SMARCC1: variants seen among roughly 807,000 people sequenced by gnomAD.
SMARCC1 encodes the protein SWI/SNF related BAF chromatin remodeling complex subunit C1.
In SMARCC1, 43 loss-of-function variants were observed where a neutral mutation model predicts 147.4. The ratio of observed to expected loss-of-function variants is 0.29; its 90% CI spans 0.23 to 0.38. The LOEUF is 0.38. Ranked by LOEUF, SMARCC1 falls within the 10% of genes least tolerant of loss-of-function variation. The pLI, the probability that SMARCC1 is intolerant of heterozygous loss-of-function variation, is 1.00. For synonymous variants in SMARCC1, 495 were observed against 484.4 expected, an observed-to-expected ratio of 1.02 and a Z score of -0.29; for missense variants, 1,119 against 1,381.1, an observed-to-expected ratio of 0.81 and a Z score of 3.01.
chr3:47,633,961 A>G (rs982309655), intron 24 of SMARCC1, among the ~76,000 whole-genome samples: 6 of 151,992 alleles, frequency 3.9e-5, no homozygotes, highest in Non-Finnish European at 8.8e-5. Context: ...ACAGACTAAA[A>G]AAGATGTTTG....
intron 17 of SMARCC1, among the ~76,000 whole-genome samples, chr3:47,676,363 T>C (rs1050348176): frequency 6.6e-6 from 1 of 152,164 alleles, no homozygotes; most frequent in Non-Finnish European, 1.5e-5. Flanking sequence ...GAAGGATAAT[T>C]TACTTTTATG....
At position 47,630,541 on chromosome 3, in the gene SMARCC1, T is replaced by C. The variant is rs537508447; in HGVS notation, c.2646+4649A>G. ...CAATTTTGCATTACAAAGCATGAATTCCAACGAGTAGAACAGAAGTAGTTT... is the reference window on the plus strand; with the variant it reads ...CAATTTTGCATTACAAAGCATGAATCCCAACGAGTAGAACAGAAGTAGTTT... On this transcript the variant is annotated intron_variant, in intron 24 of 27. Transcript: ENST00000254480. Among the ~76,000 whole-genome samples the C allele has an allele frequency of 7.7e-4, 117 of 152,262 alleles. 1 individual carries two copies. In the South Asian group the frequency reaches 0.015, roughly 20 times the overall value.
chr3:47,707,029 G>A (rs1256142452), intron 9 of SMARCC1, among the ~76,000 whole-genome samples: 3 of 152,176 alleles, frequency 2.0e-5, no homozygotes, highest in Non-Finnish European at 4.4e-5. Context: ...TCAATGTCTA[G>A]GCTGGGTGCC....
At chr3:47,592,883 G>A (rs1252781490) in intron 26 of SMARCC1, among the ~76,000 whole-genome samples, 5 of 144,516 alleles carry the variant, frequency 3.5e-5, no homozygotes, top group African/African-American at 1.0e-4. Flanking sequence ...GCAGTAACAC[G>A]ATTTCAGCTC....
At chr3:47,730,071 C>G (rs1343981373) in intron 5 of SMARCC1, among the ~76,000 whole-genome samples, 3 of 152,026 alleles carry the variant, frequency 2.0e-5, no homozygotes, top group African/African-American at 7.2e-5. Context: ...CTCAGCTATT[C>G]AAGAGGCTGA....
At chr3:47,761,125 T>C (rs1429707201) in intron 2 of SMARCC1, among the ~76,000 whole-genome samples, 1 of 133,660 alleles carries the variant, frequency 7.5e-6, no homozygotes, top group Non-Finnish European at 1.6e-5. Context: ...AGAGCAAGAC[T>C]CTGTCTAAAA....
chr3:47,655,878 T>C (rs972149035), intron 21 of SMARCC1, among the ~76,000 whole-genome samples: 11 of 152,084 alleles, frequency 7.2e-5, no homozygotes, highest in African/African-American at 2.7e-4. Context: ...AAAATATTAA[T>C]GAACAATGTA....
At chr3:47,622,031 T>C (rs1245313659) in intron 25 of SMARCC1, among the ~76,000 whole-genome samples, 176 bp downstream of exon 25, 1 of 152,196 alleles carries the variant, frequency 6.6e-6, no homozygotes, top group Non-Finnish European at 1.5e-5. Flanking sequence ...GTGCCTTTTA[T>C]TTAACATCAC....
intron 21 of SMARCC1, among the ~76,000 whole-genome samples, chr3:47,655,561 G>A (rs1015561373): frequency 1.7e-4 from 25 of 151,380 alleles, no homozygotes; most frequent in African/African-American, 4.4e-4. Flanking sequence ...GCCAGGTGTC[G>A]TGGCACACAC....
intron 4 of SMARCC1, 31 bp downstream of exon 4, chr3:47,737,998 A>G (rs1222264436): frequency 6.6e-7 from 1 of 1,509,666 alleles, no homozygotes; most frequent in African/African-American, 1.4e-5. Flanking sequence ...TTAAAGGTAA[A>G]CTTTTTAAAT....
At chr3:47,737,775 C>G (rs1300209636) in intron 4 of SMARCC1, among the ~76,000 whole-genome samples, 1 of 152,012 alleles carries the variant, frequency 6.6e-6, no homozygotes, top group African/African-American at 2.4e-5. Context: ...CTTGCCTCAG[C>G]CACCAGAGTA....
At chr3:47,591,380 T>C (rs2108223710) in intron 26 of SMARCC1, among the ~76,000 whole-genome samples, 1 of 148,822 alleles carries the variant, frequency 6.7e-6, no homozygotes, top group South Asian at 2.1e-4. Context: ...CAAATATTTC[T>C]CCCATTAAAA....
At chr3:47,613,282 G>C (rs1422287220) in intron 25 of SMARCC1, among the ~76,000 whole-genome samples, 1 of 152,038 alleles carries the variant, frequency 6.6e-6, no homozygotes. Context: ...ATATAAAAAT[G>C]ACTTTGTGAT....
At chr3:47,687,821 G>A (rs1382715530) in intron 13 of SMARCC1, among the ~76,000 whole-genome samples, 38 of 152,146 alleles carry the variant, frequency 2.5e-4, no homozygotes, top group Non-Finnish European at 5.3e-4. Context: ...AGAGCACAGT[G>A]GCAGGATTTT....
intron 19 of SMARCC1, among the ~76,000 whole-genome samples, chr3:47,668,685 C>G: frequency 6.6e-6 from 1 of 152,008 alleles, no homozygotes; most frequent in Non-Finnish European, 1.5e-5. Flanking sequence ...AAATAGTATG[C>G]CAGCCTGAGC....
chr3:47,597,856 G>GT (rs1282062638), intron 26 of SMARCC1, among the ~76,000 whole-genome samples: 3 of 152,218 alleles, frequency 2.0e-5, no homozygotes, highest in African/African-American at 7.2e-5. Context: ...TTTGGGTTTG[G>GT]TATCTGACTG....
intron 21 of SMARCC1, among the ~76,000 whole-genome samples, chr3:47,653,252 C>T (rs1333305584): frequency 2.0e-5 from 3 of 152,204 alleles, no homozygotes; most frequent in South Asian, 2.1e-4. Context: ...CCACGGCGCC[C>T]GGCCGCTTTA....
intron 26 of SMARCC1, among the ~76,000 whole-genome samples, chr3:47,606,057 T>C (rs1028258997): frequency 6.6e-6 from 1 of 151,840 alleles, no homozygotes; most frequent in African/African-American, 2.4e-5. Context: ...GTACATTTTA[T>C]TTCAATAAAA....
chr3:47,663,526 T>G, intron 19 of SMARCC1: 1 of 862,296 alleles, frequency 1.2e-6, no homozygotes, highest in Admixed American at 2.4e-5. Flanking sequence ...CGAGAGGATC[T>G]CTTGAGCCCA....
Sources: gnomAD v4.1 joint callset for allele counts (sites outside exome capture counted in the v4.1 genomes callset) on GRCh38, gnomAD v4.1.1 for gene constraint, MANE v1.5 for transcripts, NCBI Gene and HGNC (gene_info 2026-07-23, HGNC 2026-07-21) for gene names.